The following PALD1 variants were observed in gnomAD, a reference collection of about 807,000 sequenced individuals.
PALD1 encodes the protein paladin.
Under a neutral mutation model 96.0 loss-of-function variants are expected in PALD1, and 57 were observed. The ratio of observed to expected loss-of-function variants is 0.59; its 90% CI spans 0.48 to 0.74. PALD1 has a LOEUF of 0.74. Among genes scored for constraint, PALD1 ranks in the 30% least tolerant of loss-of-function variants. PALD1 has a pLI of 0.00. For synonymous variants in PALD1, 464 were observed against 473.6 expected (o/e 0.98, Z 0.26); for missense variants, 1,063 against 1,143.7 (o/e 0.93, Z 1.02).
Position 70,531,287 on chromosome 10 carries a change from C to T in PALD1, c.469-3C>T. 1 of 1,609,396 alleles carries T rather than the reference C, an allele frequency of 6.2e-7. No homozygotes were observed. Among genetic ancestry groups the T allele is most frequent in the East Asian group, 2.2e-5 (1 of 44,688 alleles). On this transcript the variant is annotated splice_polypyrimidine_tract_variant and splice_region_variant and intron_variant, in intron 4 of 19. Transcript: ENST00000263563. ...GCTTCCTTCCCCCTCGGGCTCCTGGCAGGAGTGTGTCATCTTCTGTGTGCG... is the reference window on the plus strand; with the variant it reads ...GCTTCCTTCCCCCTCGGGCTCCTGGTAGGAGTGTGTCATCTTCTGTGTGCG...
At chr10:70,534,344 C>CGGT in intron 8 of PALD1, 81 bp from the exon 9 acceptor site, 1 of 942,210 alleles carries the variant, frequency 1.1e-6, no homozygotes. Flanking sequence ...CCCCCAGCGG[C>CGGT]CATATGAGTG....
At chr10:70,548,821 G>A (rs1012440605) in intron 18 of PALD1, among the ~76,000 whole-genome samples, 1 of 152,188 alleles carries the variant, frequency 6.6e-6, no homozygotes, top group Non-Finnish European at 1.5e-5. Flanking sequence ...TGGGGCAAAG[G>A]GTGGATGCCT....
chr10:70,516,389 C>T (rs1404846848), intron 1 of PALD1, among the ~76,000 whole-genome samples: 1 of 152,202 alleles, frequency 6.6e-6, no homozygotes, highest in Non-Finnish European at 1.5e-5. Flanking sequence ...CCACCTCAGC[C>T]TCTTACAGGT....
In PALD1 at chr10:70,482,663, C is replaced by G. The variant is rs112347418; in HGVS notation, c.-30+3604C>G. ...AATAGACCTGTTGTGATTAAGAACA[C>G]TGGCTCTGGAAAGAAACTACCAGGG... is the stretch of plus-strand genomic sequence containing the variant. On this transcript the variant is annotated intron_variant, in intron 1 of 19. Transcript: ENST00000263563. Among the ~76,000 whole-genome samples the G allele has an allele frequency of 6.5e-3, 994 of 152,242 alleles. 11 individuals carry two copies. Among genetic ancestry groups the G allele is most frequent in the African/African-American group, 0.023 (946 of 41,540 alleles).
upstream of PALD1, among the ~76,000 whole-genome samples, chr10:70,478,611 G>A (rs1045911273): frequency 2.0e-5 from 3 of 152,212 alleles, no homozygotes; most frequent in Non-Finnish European, 4.4e-5. Context: ...AAGCGCAGCC[G>A]GGGAACGTGG....
chr10:70,554,779 G>C (rs1847558730), intron 18 of PALD1, among the ~76,000 whole-genome samples: 1 of 151,804 alleles, frequency 6.6e-6, no homozygotes, highest in Non-Finnish European at 1.5e-5. Context: ...CCTTTCAGAA[G>C]AGTTTGAAGA....
chr10:70,532,407 G>C (rs1019805036), intron 5 of PALD1, among the ~76,000 whole-genome samples: 6 of 152,224 alleles, frequency 3.9e-5, no homozygotes, highest in African/African-American at 1.2e-4. Flanking sequence ...ACTGGGCAGA[G>C]CCCTCCTGCC....
intron 1 of PALD1, among the ~76,000 whole-genome samples, chr10:70,508,497 T>G (rs1387824311): frequency 2.0e-5 from 3 of 152,102 alleles, no homozygotes. Context: ...CCAGCTGATA[T>G]GCTTAAGGTA....
At chr10:70,560,035 C>A (rs1207314032) in intron 18 of PALD1, among the ~76,000 whole-genome samples, 2 of 152,130 alleles carry the variant, frequency 1.3e-5, no homozygotes, top group Non-Finnish European at 2.9e-5. Context: ...GGTGCCCGCC[C>A]CTGGGTTTAT....
chr10:70,533,800 G>A, intron 7 of PALD1, 122 bp from the exon 8 acceptor site: 1 of 880,324 alleles, frequency 1.1e-6, no homozygotes, highest in Middle Eastern at 2.3e-4. Context: ...GACACCTATT[G>A]GAGCCCACTT....
At chr10:70,492,793 G>GA (rs1362127942) in intron 1 of PALD1, among the ~76,000 whole-genome samples, 1 of 152,164 alleles carries the variant, frequency 6.6e-6, no homozygotes, top group Non-Finnish European at 1.5e-5. Flanking sequence ...GGGTTTGTCA[G>GA]AATGTAACCC....
intron 2 of PALD1, 21 bp from the exon 3 acceptor site, chr10:70,529,208 G>GCACCCC (rs1564698221): frequency 3.8e-6 from 1 of 260,534 alleles, no homozygotes. Flanking sequence ...TTTCCATTCT[G>GCACCCC]CCCCCCCCCC....
chr10:70,477,010 CATGT>C (rs1243060234), upstream of PALD1, among the ~76,000 whole-genome samples: 2 of 146,382 alleles, frequency 1.4e-5, no homozygotes, highest in African/African-American at 5.0e-5. Context: ...CATATATGTG[CATGT>C]ATGTGTATAC....
intron 1 of PALD1, among the ~76,000 whole-genome samples, chr10:70,493,758 A>G (rs1266987074): frequency 6.6e-6 from 1 of 152,152 alleles, no homozygotes; most frequent in Non-Finnish European, 1.5e-5. Context: ...TTCAGCATGG[A>G]TGCACGGCGA....
chr10:70,539,437 G>A lies in PALD1; in HGVS notation c.1726-143G>A, dbSNP rs1003011547. On this transcript the variant is annotated intron_variant, in intron 14 of 19. Coordinates refer to ENST00000263563, the MANE Select transcript of PALD1 (RefSeq NM_014431.3). The surrounding 1 kb of genome is among the most constrained non-coding windows in gnomAD (Gnocchi z 4.5). Reference sequence around the variant, plus strand: ...CTGCTAACCTGCTTGGCTTTGGGGGGTGGCTGTGACCCCTGAGGCTTGGGG... The same window carrying A: ...CTGCTAACCTGCTTGGCTTTGGGGGATGGCTGTGACCCCTGAGGCTTGGGG... 7 of 1,013,622 alleles carry A rather than the reference G, an allele frequency of 6.9e-6. No homozygotes were observed. The highest frequency in any genetic ancestry group is 9.8e-6 in the Non-Finnish European group (7 of 712,314). The allele number at this position is 1,013,622 out of a possible 1,614,324, so 62.8% of individuals were successfully genotyped here.
At position 70,534,830 on chromosome 10, in the gene PALD1, A is replaced by C; in HGVS notation, c.1214A>C (p.Glu405Ala). Residue 405 changes from glutamate to alanine, a missense_variant, in exon 10 of 20, where the codon GAG becomes GCG. Coordinates refer to ENST00000263563, the MANE Select transcript of PALD1 (RefSeq NM_014431.3). The stretch of plus-strand genomic sequence containing the variant: ...AAGAAGTTAGAAGGTATCCGACCGG[A>C]GAGCCCAGCCCAGGTGAGGCATGGA... ...NQKKLEGIRP[E>A]SPAQGSGSRH... 6.2e-7 allele frequency: 1 copy of C among 1,610,124 alleles called. No homozygotes were observed. Among genetic ancestry groups the C allele is most frequent in the Non-Finnish European group, 8.5e-7 (1 of 1,177,466 alleles).
chr10:70,501,310 C>T (rs992121053), intron 1 of PALD1, among the ~76,000 whole-genome samples: 4 of 152,198 alleles, frequency 2.6e-5, no homozygotes, highest in African/African-American at 9.7e-5. Context: ...GTTTCTCGGC[C>T]TCCCTGGGCC....
At chr10:70,469,860 C>A in the PALD1 span, among the ~76,000 whole-genome samples, 2 of 152,124 alleles carry the variant, frequency 1.3e-5, no homozygotes, top group Admixed American at 1.3e-4. Context: ...GTGGTGCAAT[C>A]TCGGCTCGCT....
intron 1 of PALD1, among the ~76,000 whole-genome samples, chr10:70,490,237 C>CT (rs1491080544): frequency 1.3e-5 from 2 of 152,098 alleles, no homozygotes; most frequent in African/African-American, 4.8e-5. Context: ...CTCTCTCTCT[C>CT]TTTTTTAAAG....
Sources: allele counts gnomAD v4.1 joint callset (sites outside exome capture counted in the v4.1 genomes callset), GRCh38; gene constraint gnomAD v4.1.1; non-coding constraint Gnocchi (gnomAD v3.1); transcripts MANE v1.5; gene names NCBI Gene and HGNC (gene_info 2026-07-23, HGNC 2026-07-21).